The following GUCY1A2 variants were observed in gnomAD, a reference collection of about 807,000 sequenced individuals.
GUCY1A2 encodes the protein guanylate cyclase soluble subunit alpha-2.
Under a neutral mutation model 63.5 loss-of-function variants are expected in GUCY1A2, and 27 were observed. That is an observed-to-expected ratio of 0.43 (90% confidence interval 0.31 to 0.59). GUCY1A2 has a LOEUF of 0.59. Among genes scored for constraint, GUCY1A2 ranks in the 20% least tolerant of loss-of-function variants. The pLI is 0.11. For synonymous variants in GUCY1A2, 364 were observed against 343.5 expected (o/e 1.06, Z -0.66); for missense variants, 768 against 913.3 (o/e 0.84, Z 2.05).
intron 6 of GUCY1A2, among the ~76,000 whole-genome samples, chr11:106,715,048 G>A (rs796892089): frequency 1.4e-4 from 22 of 152,068 alleles, no homozygotes; most frequent in African/African-American, 4.8e-4. Flanking sequence ...AGGATATATC[G>A]TGAGGTTAGG....
intron 4 of GUCY1A2, among the ~76,000 whole-genome samples, chr11:106,885,037 T>C (rs1476428216): frequency 6.6e-6 from 1 of 152,152 alleles, no homozygotes; most frequent in African/African-American, 2.4e-5. Context: ...TAAAAGTACT[T>C]TGTACTAATC....
chr11:107,000,671 A>C (rs1459142914), intron 1 of GUCY1A2, among the ~76,000 whole-genome samples: 1 of 152,192 alleles, frequency 6.6e-6, no homozygotes, highest in Non-Finnish European at 1.5e-5. Flanking sequence ...ATAGATATAA[A>C]TAGATAAATA....
chr11:106,788,527 A>G (rs184628697), intron 5 of GUCY1A2, among the ~76,000 whole-genome samples: 31 of 152,288 alleles, frequency 2.0e-4, no homozygotes, highest in African/African-American at 7.5e-4. Flanking sequence ...GAGGTCTTAG[A>G]TTTAAGTCTT....
At chr11:106,742,656 C>T (rs1863715154) in intron 6 of GUCY1A2, among the ~76,000 whole-genome samples, 3 of 152,236 alleles carry the variant, frequency 2.0e-5, no homozygotes, top group Middle Eastern at 6.8e-3. Context: ...AACATGTGTG[C>T]ATGTATCTTT....
Position 106,679,129 on chromosome 11 carries a change from T to G in GUCY1A2, c.*8420A>C, listed in dbSNP as rs142994654. ...CTTTGTCTTAAATTCTTTTTCTAAC[T>G]GATAATTTTGATTAAAAATTGCTCA... On this transcript the variant is annotated 3_prime_UTR_variant, in exon 8 of 8. Coordinates refer to ENST00000526355, the MANE Select transcript of GUCY1A2 (RefSeq NM_000855.3). The G allele has an allele frequency of 3.2e-5, 6 of 185,004 alleles. No homozygotes were observed. In the East Asian group the frequency reaches 5.3e-4, roughly 16 times the overall value. The allele number at this position is 185,004 out of a possible 1,614,324, so 11.5% of individuals were successfully genotyped here.
intron 1 of GUCY1A2, among the ~76,000 whole-genome samples, chr11:107,004,775 T>A (rs982666590): frequency 1.3e-5 from 2 of 152,186 alleles, no homozygotes; most frequent in African/African-American, 4.8e-5. Flanking sequence ...AGCTGAAAGC[T>A]GAAAACTAAG....
intron 4 of GUCY1A2, chr11:106,823,898 C>T: frequency 8.6e-6 from 3 of 349,758 alleles, no homozygotes; most frequent in South Asian, 5.3e-5. Flanking sequence ...GTCCTTTGCC[C>T]ACTTTTTTTT....
intron 4 of GUCY1A2, chr11:106,936,830 A>T (rs1012473569): frequency 3.5e-6 from 2 of 563,862 alleles, no homozygotes; most frequent in Non-Finnish European, 6.1e-6. Context: ...AAATTATTTT[A>T]AAATAGCATT....
intron 4 of GUCY1A2, among the ~76,000 whole-genome samples, chr11:106,888,992 C>T (rs1859939302): frequency 6.6e-6 from 1 of 151,812 alleles, no homozygotes; most frequent in Admixed American, 6.6e-5. Context: ...ATCCGGTATT[C>T]TCTATTTAGA....
intron 4 of GUCY1A2, among the ~76,000 whole-genome samples, chr11:106,847,173 C>G (rs899675058): frequency 4.0e-5 from 6 of 148,638 alleles, no homozygotes; most frequent in Non-Finnish European, 7.5e-5. Flanking sequence ...ATTGGATACT[C>G]AACATCTGCC....
chr11:106,949,517 G>A (rs1860875877), intron 3 of GUCY1A2, among the ~76,000 whole-genome samples: 1 of 151,962 alleles, frequency 6.6e-6, no homozygotes, highest in South Asian at 2.1e-4. Flanking sequence ...CACTTATTTT[G>A]CATATCTTCA....
intron 3 of GUCY1A2, among the ~76,000 whole-genome samples, chr11:106,954,393 C>A (rs1000295304): frequency 2.0e-5 from 3 of 152,066 alleles, no homozygotes; most frequent in Non-Finnish European, 2.9e-5. Context: ...GATTTCAGTT[C>A]TTTTGCATTT....
At chr11:106,824,861 A>C (rs1858946347) in intron 4 of GUCY1A2, 10 of 1,612,398 alleles carry the variant, frequency 6.2e-6, no homozygotes, top group Non-Finnish European at 8.5e-6. Context: ...TGGAGGAAAA[A>C]AATTCAGGCA....
At chr11:106,994,094 A>T (rs1369523129) in intron 1 of GUCY1A2, among the ~76,000 whole-genome samples, 1 of 152,168 alleles carries the variant, frequency 6.6e-6, no homozygotes, top group African/African-American at 2.4e-5. Context: ...GCATGACCTC[A>T]TTAGAGCTTG....
At chr11:106,938,214 G>C (rs1167680391) in intron 4 of GUCY1A2, among the ~76,000 whole-genome samples, 1 of 152,194 alleles carries the variant, frequency 6.6e-6, no homozygotes, top group East Asian at 1.9e-4. Context: ...AAAGTGTTGG[G>C]ATTACAGGTG....
intron 2 of GUCY1A2, among the ~76,000 whole-genome samples, chr11:106,985,030 GATT>G (rs531648839): frequency 6.6e-6 from 1 of 151,964 alleles, no homozygotes; most frequent in Non-Finnish European, 1.5e-5. Context: ...TAGGTACCGA[GATT>G]ATTTTTCCAT....
chr11:106,724,758 C>T (rs549961772), intron 6 of GUCY1A2, among the ~76,000 whole-genome samples: 2 of 152,278 alleles, frequency 1.3e-5, no homozygotes, highest in East Asian at 3.9e-4. Flanking sequence ...AACGAGATAA[C>T]CTGACAATAC....
At chr11:106,790,454 A>G (rs1280252298) in intron 5 of GUCY1A2, among the ~76,000 whole-genome samples, 1 of 152,218 alleles carries the variant, frequency 6.6e-6, no homozygotes. Context: ...TAGAATCAGG[A>G]ACCTCAATGG....
At chr11:107,015,691 A>G (rs968858451) in intron 1 of GUCY1A2, among the ~76,000 whole-genome samples, 1 of 149,664 alleles carries the variant, frequency 6.7e-6, no homozygotes, top group Non-Finnish European at 1.5e-5. Flanking sequence ...CTAAATAACT[A>G]TTTTATTGCA....
Sources: allele counts gnomAD v4.1 joint callset (sites outside exome capture counted in the v4.1 genomes callset), GRCh38; gene constraint gnomAD v4.1.1; transcripts MANE v1.5; gene names NCBI Gene and HGNC (gene_info 2026-07-23, HGNC 2026-07-21).